MKX: variants seen among roughly 807,000 people sequenced by gnomAD.
MKX encodes the protein homeobox protein Mohawk.
MKX carries 13 observed loss-of-function variants against 36.0 expected under a neutral mutation model. That is an observed-to-expected ratio of 0.36 (90% CI 0.24 to 0.57). The LOEUF is 0.57. MKX is among the 20% of genes least tolerant of loss of function. MKX has a pLI of 0.79. For synonymous variants in MKX, 176 were observed against 178.3 expected, an observed-to-expected ratio of 0.99 and a Z score of 0.10; for missense variants, 458 against 456.4, an observed-to-expected ratio of 1.00 and a Z score of -0.03.
intron 5 of MKX, among the ~76,000 whole-genome samples, chr10:27,677,310 G>A (rs1202837274): frequency 2.0e-5 from 3 of 151,996 alleles, no homozygotes; most frequent in Admixed American, 1.3e-4. Context: ...TACGCCCCCT[G>A]CCCCTGCCAA....
intron 5 of MKX, among the ~76,000 whole-genome samples, chr10:27,726,749 T>A (rs1422910302): frequency 6.6e-6 from 1 of 151,968 alleles, no homozygotes; most frequent in African/African-American, 2.4e-5. Context: ...TTCCTCTTTT[T>A]AAAACTTTTT....
chr10:27,696,842 G>A (rs1251332067), intron 5 of MKX, among the ~76,000 whole-genome samples: 1 of 152,160 alleles, frequency 6.6e-6, no homozygotes, highest in Non-Finnish European at 1.5e-5. Flanking sequence ...AAATGTAAAG[G>A]TTCTTACTCA....
rs182570231 is a variant in MKX at position 27,674,339 on chromosome 10, T to A, written c.*890A>T. ...AACAAACCAAATAAAAGATTTTTAGTCATTCCATACGAACACAGTTTCCAT... is the reference window on the plus strand; with the variant it reads ...AACAAACCAAATAAAAGATTTTTAGACATTCCATACGAACACAGTTTCCAT... On this transcript the variant is annotated 3_prime_UTR_variant, in exon 7 of 7. Coordinates refer to ENST00000419761, the MANE Select transcript of MKX (RefSeq NM_173576.3). 1.9e-3 allele frequency: 286 copies of A among 152,750 alleles called. No individual in the cohort carries two copies. The highest frequency in any genetic ancestry group is 6.8e-3 in the African/African-American group (282 of 41,576). The allele number at this position is 152,750 out of a possible 1,614,324, so 9.5% of individuals were successfully genotyped here. A position where few individuals can be genotyped will look rare whatever the true frequency, so the allele number is the denominator to read the frequency against.
intron 5 of MKX, among the ~76,000 whole-genome samples, chr10:27,705,514 C>T (rs1354560045): frequency 1.3e-5 from 2 of 152,132 alleles, no homozygotes; most frequent in Non-Finnish European, 2.9e-5. Context: ...ACCACCATGC[C>T]TGGCTGATTT....
rs142491612 is a variant in MKX, at chr10:27,708,911, G to A, written c.838+25545C>T. 3.2e-3 allele frequency among the ~76,000 whole-genome samples: 484 copies of A among 152,250 alleles called. 1 individual carries two copies. The highest frequency in any genetic ancestry group is 7.3e-3 in the South Asian group (35 of 4,820). On this transcript the variant is annotated intron_variant, in intron 5 of 6. Coordinates refer to ENST00000419761, the MANE Select transcript of MKX (RefSeq NM_173576.3). ...CGGTTGGGTGCAGTGGCTCACGCCTGTAATCCTAGCACTTTGGGAGGCTGA... is the reference window on the plus strand; with the variant it reads ...CGGTTGGGTGCAGTGGCTCACGCCTATAATCCTAGCACTTTGGGAGGCTGA...
rs569662311 is a variant in MKX at position 27,744,203 on chromosome 10, A to T, written c.-82-706T>A. On this transcript the variant is annotated intron_variant, in intron 1 of 6. Transcript: ENST00000419761. The surrounding 1 kb of genome is among the most constrained non-coding windows in gnomAD (Gnocchi z 5.6). ...TCCCAGAATCTTCCTATCATCCCCC[A>T]ACGCGCCCCGGGAAGTGCATGGTCC... Among the ~76,000 whole-genome samples the T allele has an allele frequency of 1.3e-4, 20 of 152,110 alleles. No individual in the cohort carries two copies. Among genetic ancestry groups the T allele is most frequent in the Middle Eastern group, 3.4e-3 (1 of 294 alleles).
chr10:27,743,705 C>G (rs1445714910), intron 1 of MKX, among the ~76,000 whole-genome samples: 1 of 152,158 alleles, frequency 6.6e-6, no homozygotes. Context: ...CTGCCCTCTT[C>G]CTTGCCTGGG....
In MKX at chr10:27,702,974, C is replaced by G. The variant is rs17756837; in HGVS notation, c.839-27420G>C. ...TTTCACTTTTTTACAAGAAGGTGAC[C>G]AACATTTTCTTAGGCTTCCGAAAAG... is the stretch of plus-strand genomic sequence containing the variant. On this transcript the variant is annotated intron_variant, in intron 5 of 6. Coordinates refer to ENST00000419761, the MANE Select transcript of MKX (RefSeq NM_173576.3). Among the ~76,000 whole-genome samples, 12 of 152,200 alleles carry G rather than the reference C, an allele frequency of 7.9e-5. No homozygotes were observed. The East Asian group carries it at 1.5e-3, about 20-fold the overall frequency.
chr10:27,727,271 C>A (rs1217937037), intron 5 of MKX, among the ~76,000 whole-genome samples: 1 of 152,192 alleles, frequency 6.6e-6, no homozygotes, highest in South Asian at 2.1e-4. Flanking sequence ...TCTATCTACA[C>A]GTAGGATTTT....
At chr10:27,711,526 CCTTCCTT>C (rs1836871143) in intron 5 of MKX, among the ~76,000 whole-genome samples, 1 of 131,722 alleles carries the variant, frequency 7.6e-6, no homozygotes, top group Non-Finnish European at 1.6e-5. Flanking sequence ...TTCCTTCCTT[CCTTCCTT>C]CCTTCCTTTT....
intron 5 of MKX, among the ~76,000 whole-genome samples, chr10:27,711,477 T>TC (rs1836860107): frequency 2.2e-3 from 22 of 10,054 alleles, no homozygotes; most frequent in African/African-American, 6.5e-3. Flanking sequence ...CTTTCTTTCT[T>TC]TCTTTCTCTC....
chr10:27,732,692 A>T (rs907168404), intron 5 of MKX, among the ~76,000 whole-genome samples: 1 of 152,026 alleles, frequency 6.6e-6, no homozygotes, highest in Non-Finnish European at 1.5e-5. Context: ...CATTCATAAA[A>T]CTCTGAATTA....
chr10:27,695,154 C>A (rs548293979), intron 5 of MKX, among the ~76,000 whole-genome samples: 131 of 152,218 alleles, frequency 8.6e-4, no homozygotes, highest in Non-Finnish European at 1.4e-3. Context: ...CCCAGTTAGA[C>A]CCCTCCCAGT....
intron 1 of MKX, among the ~76,000 whole-genome samples, chr10:27,745,264 C>A (rs1353238871): frequency 6.6e-6 from 1 of 152,202 alleles, no homozygotes; most frequent in African/African-American, 2.4e-5. Flanking sequence ...ACACCCGGCG[C>A]GCTGTAGGTC....
intron 5 of MKX, among the ~76,000 whole-genome samples, chr10:27,703,373 A>G (rs2132530199): frequency 6.8e-6 from 1 of 146,366 alleles, no homozygotes; most frequent in Middle Eastern, 3.4e-3. Flanking sequence ...ATTGGCAGAG[A>G]GAAAAATTGG....
rs752413011 is a variant in MKX at position 27,734,459 on chromosome 10, T to C, written c.835A>G (p.Thr279Ala). ...SETEGNFVYR[T>A]DTLENGSNKG... ...ACTACAGAAAGCACGGACTTACCTG[T>C]GCGATAGACAAAGTTGCCTTCAGTT... Residue 279 changes from threonine to alanine, a missense_variant, in exon 5 of 7, where the codon ACA (threonine) becomes GCA (alanine). Physicochemically the swap from Thr to Ala is moderately conservative, Grantham distance 58. This residue lies in a region of MKX where 297 missense variants were observed against 304.4 expected (regional missense o/e 0.98). Coordinates refer to ENST00000419761, the MANE Select transcript of MKX (RefSeq NM_173576.3). 1 of 1,613,734 alleles carries C rather than the reference T, an allele frequency of 6.2e-7. No individual in the cohort carries two copies. Among genetic ancestry groups the C allele is most frequent in the East Asian group, 2.2e-5 (1 of 44,884 alleles).
In MKX at chr10:27,711,706, C is replaced by T. The variant is rs542413602; in HGVS notation, c.838+22750G>A. On this transcript the variant is annotated intron_variant, in intron 5 of 6. Transcript: ENST00000419761. ...GCTGCCTCAATCCCTCCCCAGTAGC[C>T]GAAACTACAGGCGCCCACCGCCGTG... is the stretch of plus-strand genomic sequence containing the variant. 6.7e-5 allele frequency among the ~76,000 whole-genome samples: 10 copies of T among 150,020 alleles called. No homozygotes were observed. In the East Asian group the frequency reaches 9.8e-4, roughly 15 times the overall value.
At chr10:27,703,372 G>A (rs1340363516) in intron 5 of MKX, among the ~76,000 whole-genome samples, 2 of 146,716 alleles carry the variant, frequency 1.4e-5, no homozygotes, top group Non-Finnish European at 3.0e-5. Context: ...GATTGGCAGA[G>A]AGAAAAATTG....
At chr10:27,710,301 A>C (rs143228092) in intron 5 of MKX, among the ~76,000 whole-genome samples, 1 of 152,330 alleles carries the variant, frequency 6.6e-6, no homozygotes, top group Non-Finnish European at 1.5e-5. Flanking sequence ...CTAGGGCTTG[A>C]TTTGTGGCCA....
Sources: allele counts gnomAD v4.1 joint callset (sites outside exome capture counted in the v4.1 genomes callset), GRCh38; gene constraint gnomAD v4.1.1; regional missense constraint gnomAD v4.1.1; non-coding constraint Gnocchi (gnomAD v3.1); transcripts MANE v1.5; gene names NCBI Gene and HGNC (gene_info 2026-07-23, HGNC 2026-07-21).